DMXL1: variants seen among roughly 807,000 people sequenced by gnomAD.
DMXL1 encodes the protein dmX-like protein 1.
DMXL1 carries 99 observed loss-of-function variants against 319.2 expected under a neutral mutation model. That is an observed-to-expected ratio of 0.31 (90% confidence interval 0.26 to 0.37). DMXL1 has a LOEUF of 0.37. DMXL1 is among the 10% of genes least tolerant of loss of function. DMXL1 has a pLI of 1.00. For synonymous variants in DMXL1, 1,385 were observed against 1,235.2 expected, an observed-to-expected ratio of 1.12 and a Z score of -2.54; for missense variants, 3,745 against 3,595.6, an observed-to-expected ratio of 1.04 and a Z score of -1.06.
chr5:119,108,957 A>G (rs1758958091), intron 4 of DMXL1, among the ~76,000 whole-genome samples: 1 of 151,972 alleles, frequency 6.6e-6, no homozygotes, highest in African/African-American at 2.4e-5. Flanking sequence ...ATGCTCCACC[A>G]TGCCCGGCTA....
rs968829540 is a variant in DMXL1, at chr5:119,181,896, C to T, written c.7135+3652C>T. ...AAAGAAGCGAAGGTCCTGTGGAGTA[C>T]GGATCCACTGAAAACTAGAGAGAGA... On this transcript the variant is annotated intron_variant, in intron 28 of 43. Transcript: ENST00000539542. Among the ~76,000 whole-genome samples, 5 of 152,086 alleles carry T rather than the reference C, an allele frequency of 3.3e-5. 1 individual carries two copies. In the South Asian group the frequency reaches 8.3e-4, roughly 25 times the overall value.
chr5:119,107,259 T>A (rs1461742124), intron 4 of DMXL1, among the ~76,000 whole-genome samples: 2 of 152,058 alleles, frequency 1.3e-5, no homozygotes, highest in Non-Finnish European at 2.9e-5. Flanking sequence ...GAGGCTTGTT[T>A]GAGCCCAGGA....
chr5:119,233,504 G>T, intron 39 of DMXL1, 37 bp downstream of exon 39: 10 of 1,572,818 alleles, frequency 6.4e-6, no homozygotes, highest in Non-Finnish European at 8.7e-6. Context: ...AAAATTTATT[G>T]TGTTGGAGGT....
At chr5:119,105,895 C>CA (rs560106066) in intron 4 of DMXL1, among the ~76,000 whole-genome samples, 3,628 of 76,570 alleles carry the variant, frequency 0.047, 135 homozygotes, top group African/African-American at 0.14. Context: ...GAAACTGTCT[C>CA]AAAAAAAAAA....
chr5:119,175,990 G>T, intron 26 of DMXL1, among the ~76,000 whole-genome samples: 1 of 151,508 alleles, frequency 6.6e-6, no homozygotes, highest in Non-Finnish European at 1.5e-5. Context: ...GCAACTTCTG[G>T]GTCATTTCTT....
intron 1 of DMXL1, among the ~76,000 whole-genome samples, chr5:119,080,944 C>T (rs1171419168): frequency 6.6e-6 from 1 of 152,184 alleles, no homozygotes; most frequent in Non-Finnish European, 1.5e-5. Context: ...AGATGTAAAT[C>T]TGGCTAACTC....
chr5:119,219,113 A>G (rs80274818), intron 35 of DMXL1, among the ~76,000 whole-genome samples: 1,620 of 152,314 alleles, frequency 0.011, 12 homozygotes, highest in Non-Finnish European at 0.018. Flanking sequence ...TAACCAGAAA[A>G]TCAGCACTTT....
Position 119,116,263 on chromosome 5 carries a change from T to G in DMXL1, c.670T>G (p.Ser224Ala), listed in dbSNP as rs1206585654. The G allele has an allele frequency of 1.2e-6, 2 of 1,614,034 alleles. No individual in the cohort carries two copies. The highest frequency in any genetic ancestry group is 1.7e-5 in the Admixed American group (1 of 59,998). ...ACAATCCCAAGGAGAAATTGACTTT[T>G]CTTTTGTGTATCTGGCCCATCCTCG... ...EKQSQGEIDFSFVYLAHPRAV... is the reference protein window; with the variant it reads ...EKQSQGEIDFAFVYLAHPRAV... The change falls in exon 7 of 44, where the codon TCT becomes GCT. Residue 224 changes from serine to alanine, a missense_variant. Physicochemically the swap from Ser to Ala is moderately conservative, Grantham distance 99. Around this residue, in one of 4 missense-constraint regions of DMXL1, gnomAD observed 2,096 missense variants for 1,985.4 expected, o/e 1.06. Coordinates refer to ENST00000539542, the MANE Select transcript of DMXL1 (RefSeq NM_001290321.3).
chr5:119,103,075 T>G (rs920604219), intron 3 of DMXL1, among the ~76,000 whole-genome samples: 3 of 151,032 alleles, frequency 2.0e-5, no homozygotes, highest in Non-Finnish European at 4.4e-5. Flanking sequence ...AAACCTAAAA[T>G]TAAAAGATTT....
At chr5:119,245,671 C>G (rs1789615134) in intron 43 of DMXL1, among the ~76,000 whole-genome samples, 1 of 151,716 alleles carries the variant, frequency 6.6e-6, no homozygotes, top group Admixed American at 6.6e-5. Flanking sequence ...TCCAGAGTAG[C>G]TGGGACTACA....
chr5:119,076,598 A>G (rs1354896265), intron 1 of DMXL1, among the ~76,000 whole-genome samples: 1 of 152,242 alleles, frequency 6.6e-6, no homozygotes, highest in Non-Finnish European at 1.5e-5. Context: ...GTACCTTTAA[A>G]ATCATTGAAA....
chr5:119,195,189 GT>G (rs1779399474), intron 30 of DMXL1, among the ~76,000 whole-genome samples: 1 of 152,138 alleles, frequency 6.6e-6, no homozygotes, highest in African/African-American at 2.4e-5. Flanking sequence ...CGGTATACTG[GT>G]TCCTTAAAAA....
chr5:119,210,000 G>T (rs184210930), intron 34 of DMXL1, among the ~76,000 whole-genome samples: 86 of 152,092 alleles, frequency 5.7e-4, no homozygotes, highest in African/African-American at 2.0e-3. Context: ...GCAAAGTCTT[G>T]CTCTGTTGCC....
chr5:119,215,162 C>A (rs957279558), intron 34 of DMXL1, among the ~76,000 whole-genome samples: 1 of 152,176 alleles, frequency 6.6e-6, no homozygotes, highest in Non-Finnish European at 1.5e-5. Flanking sequence ...GAAATTCTTC[C>A]TAAGCAAGTT....
chr5:119,166,800 A>T lies in DMXL1; in HGVS notation c.5136+19A>T, dbSNP rs374749391. On this transcript the variant is annotated intron_variant, in intron 22 of 43. Coordinates refer to ENST00000539542, the MANE Select transcript of DMXL1 (RefSeq NM_001290321.3). ...AATTGAGGTAATGAGTGAAATTTAA[A>T]TAACAAAGTATAGCAATGTCATCTT... 6.3e-7 allele frequency: 1 copy of T among 1,586,946 alleles called. No homozygotes were observed. Among genetic ancestry groups the T allele is most frequent in the East Asian group, 2.3e-5 (1 of 44,108 alleles).
chr5:119,190,943 G>A (rs1581234086), intron 29 of DMXL1, among the ~76,000 whole-genome samples: 1 of 152,172 alleles, frequency 6.6e-6, no homozygotes, highest in Non-Finnish European at 1.5e-5. Flanking sequence ...TTCATATCCT[G>A]AGTTACAGAG....
At chr5:119,172,603 A>G (rs1305287741) in intron 25 of DMXL1, among the ~76,000 whole-genome samples, 3 of 152,234 alleles carry the variant, frequency 2.0e-5, no homozygotes, top group Admixed American at 2.0e-4. Flanking sequence ...TTAATTGTCT[A>G]ATCAACCAAA....
intron 15 of DMXL1, among the ~76,000 whole-genome samples, chr5:119,145,335 A>G (rs1768273294): frequency 1.3e-5 from 2 of 151,620 alleles, no homozygotes; most frequent in Non-Finnish European, 3.0e-5. Flanking sequence ...TTCTTTTATG[A>G]GAAGTACTCC....
chr5:119,170,109 A>C, intron 23 of DMXL1, 81 bp from the exon 24 acceptor site: 2 of 1,413,776 alleles, frequency 1.4e-6, no homozygotes, highest in Non-Finnish European at 9.4e-7. Context: ...TAAAGGTGTC[A>C]TAGTAGATAG....
Sources: gnomAD v4.1 joint callset for allele counts (sites outside exome capture counted in the v4.1 genomes callset) on GRCh38, gnomAD v4.1.1 for gene constraint, gnomAD v4.1.1 regional missense constraint, MANE v1.5 for transcripts, NCBI Gene and HGNC (gene_info 2026-07-23, HGNC 2026-07-21) for gene names.